The following ITK variants were observed in gnomAD, a reference collection of about 807,000 sequenced individuals.
ITK encodes the protein IL2 inducible T cell kinase, also known as tyrosine-protein kinase ITK/TSK.
Under a neutral mutation model 87.6 loss-of-function variants are expected in ITK, and 45 were observed. That is an observed-to-expected ratio of 0.51 (90% CI 0.40 to 0.66). The LOEUF is 0.66. Among genes scored for constraint, ITK ranks in the 30% least tolerant of loss-of-function variants. The pLI is 0.00. For missense variants in ITK, 605 were observed against 766.3 expected (o/e 0.79, Z 2.48); for synonymous variants, 303 against 273.6 (o/e 1.11, Z -1.06).
rs201255520 is a variant in ITK at position 157,217,928 on chromosome 5, C to T, written c.495+21C>T. On this transcript the variant is annotated intron_variant, in intron 5 of 16. Transcript: ENST00000422843. ...ACAGGGTGAGTGAGAGCGCTAGCTC[C>T]GGGTGCAGGTGGGCCCACAGGCTAC... 9.9e-5 allele frequency: 159 copies of T among 1,610,044 alleles called. 1 individual carries two copies. The highest frequency in any genetic ancestry group is 6.3e-5 in the Non-Finnish European group (74 of 1,176,304).
chr5:157,223,730 A>T (rs1403706776), intron 6 of ITK, among the ~76,000 whole-genome samples: 1 of 152,188 alleles, frequency 6.6e-6, no homozygotes, highest in Admixed American at 6.5e-5. Context: ...CTAAATTGCA[A>T]ATTCCCTTGT....
chr5:157,252,501 A>G (rs1179547641), intron 16 of ITK, 106 bp from the exon 17 acceptor site: 5 of 827,008 alleles, frequency 6.0e-6, no homozygotes, highest in South Asian at 1.3e-5. Flanking sequence ...ATGGAAGCAC[A>G]TACAAAAATC....
At chr5:157,213,815 G>C (rs897769920) in intron 3 of ITK, 2 of 358,656 alleles carry the variant, frequency 5.6e-6, no homozygotes, top group African/African-American at 2.1e-5. Flanking sequence ...AGGAGAGGTG[G>C]GGGGTGGTAA....
chr5:157,229,302 CA>C (rs1561659572), intron 7 of ITK, among the ~76,000 whole-genome samples: 2 of 152,154 alleles, frequency 1.3e-5, no homozygotes, highest in African/African-American at 4.8e-5. Flanking sequence ...TATCTCCTCA[CA>C]AATCACTTGT....
chr5:157,228,244 G>T (rs1754576987), intron 6 of ITK, 52 bp from the exon 7 acceptor site: 10 of 1,047,526 alleles, frequency 9.5e-6, no homozygotes, highest in South Asian at 6.3e-5. Context: ...CCTATAAAAT[G>T]ATATAAAACT....
At chr5:157,245,071 A>G (rs1754994978) in intron 13 of ITK, 1 of 171,592 alleles carries the variant, frequency 5.8e-6, no homozygotes, top group Non-Finnish European at 1.3e-5. Flanking sequence ...TGAAAATTCA[A>G]AAAATTAGCT....
intron 1 of ITK, among the ~76,000 whole-genome samples, chr5:157,188,750 C>T (rs1424977581): frequency 6.6e-6 from 1 of 152,200 alleles, no homozygotes; most frequent in Non-Finnish European, 1.5e-5. Flanking sequence ...GCTGGGACTA[C>T]AGAAGTGCAT....
intron 7 of ITK, among the ~76,000 whole-genome samples, chr5:157,231,915 CCCT>C (rs1216880624): frequency 4.6e-5 from 7 of 152,176 alleles, no homozygotes; most frequent in Admixed American, 3.9e-4. Context: ...TGCACTAGCA[CCCT>C]CCTCCTTATA....
chr5:157,219,057 T>C (rs1580891928), intron 5 of ITK, among the ~76,000 whole-genome samples: 1 of 151,300 alleles, frequency 6.6e-6, no homozygotes, highest in East Asian at 1.9e-4. Context: ...GACCTTTAGG[T>C]AGGGAATATG....
chr5:157,214,089 C>A, intron 3 of ITK, 102 bp from the exon 4 acceptor site: 2 of 914,962 alleles, frequency 2.2e-6, no homozygotes, highest in South Asian at 1.3e-5. Context: ...AATACTCATT[C>A]AGGCTCACTC....
At chr5:157,208,497 C>T (rs1218855447) in intron 1 of ITK, among the ~76,000 whole-genome samples, 1 of 152,078 alleles carries the variant, frequency 6.6e-6, no homozygotes, top group African/African-American at 2.4e-5. Context: ...AGGTCGGGTC[C>T]GAGCTCAATT....
chr5:157,243,876 G>C, intron 12 of ITK, 82 bp downstream of exon 12: 7 of 1,325,304 alleles, frequency 5.3e-6, no homozygotes, highest in Non-Finnish European at 7.6e-6. Context: ...CAAACGCCAG[G>C]GGGTACTATC....
chr5:157,227,503 A>G (rs1018538257), intron 6 of ITK, among the ~76,000 whole-genome samples: 1 of 152,216 alleles, frequency 6.6e-6, no homozygotes, highest in African/African-American at 2.4e-5. Context: ...TAAAAAGCTT[A>G]CAATGCCAAC....
intron 15 of ITK, among the ~76,000 whole-genome samples, chr5:157,248,372 G>T (rs1238497751): frequency 6.6e-6 from 1 of 152,094 alleles, no homozygotes; most frequent in Non-Finnish European, 1.5e-5. Context: ...TTAAATTCAA[G>T]AAGTTCAACT....
intron 8 of ITK, among the ~76,000 whole-genome samples, chr5:157,235,521 T>C (rs1248154818): frequency 6.6e-6 from 1 of 152,226 alleles, no homozygotes; most frequent in African/African-American, 2.4e-5. Context: ...TCTTTACCCA[T>C]CTAGGTAGAT....
chr5:157,250,000 AAC>A lies in ITK; in HGVS notation c.1791+995_1791+996del, dbSNP rs150067229. ...AGTTCTCATATGCCCACCTCACCTG[AAC>A]AGTTTCCCTGTTCACTAACATTTGG... On this transcript the variant is annotated intron_variant, in intron 16 of 16. Coordinates refer to ENST00000422843, the MANE Select transcript of ITK (RefSeq NM_005546.4). Among the ~76,000 whole-genome samples the A allele has an allele frequency of 7.2e-5, 11 of 152,258 alleles. No individual in the cohort carries two copies. In the East Asian group the frequency reaches 2.1e-3, roughly 29 times the overall value.
At chr5:157,219,100 TC>T (rs1040180104) in intron 5 of ITK, among the ~76,000 whole-genome samples, 37 of 144,124 alleles carry the variant, frequency 2.6e-4, no homozygotes, top group African/African-American at 9.1e-4. Context: ...AACACCAATA[TC>T]CACTTTTCTT....
chr5:157,220,184 C>T (rs796782095), intron 5 of ITK, among the ~76,000 whole-genome samples: 9 of 152,230 alleles, frequency 5.9e-5, no homozygotes, highest in African/African-American at 1.9e-4. Flanking sequence ...CAGGGCCAGT[C>T]CTCCGGGGAC....
rs145912427 is a variant in ITK, at chr5:157,251,176, T to C, written c.1792-1431T>C. 6.2e-3 allele frequency among the ~76,000 whole-genome samples: 951 copies of C among 152,340 alleles called. 7 individuals are homozygous for C. The highest frequency in any genetic ancestry group is 0.016 in the African/African-American group (648 of 41,572). ...GAGAGTTCCTTATTAGCATTCATTG[T>C]TTTGGATTTCAGTGGTTCTAATAGA... is the stretch of plus-strand genomic sequence containing the variant. On this transcript the variant is annotated intron_variant, in intron 16 of 16. Transcript: ENST00000422843.
Sources: gnomAD v4.1 joint callset for allele counts (sites outside exome capture counted in the v4.1 genomes callset) on GRCh38, gnomAD v4.1.1 for gene constraint, MANE v1.5 for transcripts, NCBI Gene and HGNC (gene_info 2026-07-23, HGNC 2026-07-21) for gene names.